Variants in DLG5 observed in about 807,000 individuals in gnomAD.
The protein encoded by DLG5 is disks large homolog 5.
A neutral mutation model predicts 189.8 loss-of-function variants in DLG5; 48 were observed. The ratio of observed to expected loss-of-function variants is 0.25; its 90% CI spans 0.20 to 0.32. The LOEUF (loss-of-function observed/expected upper bound fraction) is 0.32, where lower values mean the gene tolerates loss of function less well. Among genes scored for constraint, DLG5 ranks in the 10% least tolerant of loss-of-function variants. The probability of loss-of-function intolerance (pLI) is 1.00; values close to 1 mark genes in which losing one functional copy is unlikely to be tolerated. For missense variants in DLG5, 2,160 were observed against 2,544.7 expected (o/e 0.85, Z 3.25); for synonymous variants, 1,016 against 1,054.1 (o/e 0.96, Z 0.70).
rs1357364660 is a variant in DLG5 at position 77,865,871 on chromosome 10, A to AGACCC, written c.373+3253_373+3257dup. 2.0e-5 allele frequency among the ~76,000 whole-genome samples: 3 copies of AGACCC among 152,148 alleles called. No homozygotes were observed. In the South Asian group the frequency reaches 6.2e-4, roughly 32 times the overall value. On this transcript the variant is annotated intron_variant, in intron 2 of 31. Coordinates refer to ENST00000372391, the MANE Select transcript of DLG5 (RefSeq NM_004747.4). ...TGAGTAGGGCCAGGCTGGAGATCCG[A>AGACCC]GACCCGACAGACCGCCTGAGAGAAC...
At chr10:77,850,983 C>T (rs1843943058) in intron 5 of DLG5, among the ~76,000 whole-genome samples, 1 of 152,182 alleles carries the variant, frequency 6.6e-6, no homozygotes, top group South Asian at 2.1e-4. Context: ...CAAGCGTAGA[C>T]CAAGAAGAAC....
chr10:77,843,420 C>T (rs778816815), intron 6 of DLG5, 27 bp downstream of exon 6: 4 of 1,608,732 alleles, frequency 2.5e-6, no homozygotes, highest in Non-Finnish European at 3.4e-6. Flanking sequence ...CCCATTTGCC[C>T]CCGGCCCCCG....
chr10:77,935,572 G>A, the DLG5 span, among the ~76,000 whole-genome samples: 6 of 152,150 alleles, frequency 3.9e-5, no homozygotes, highest in East Asian at 9.6e-4. Flanking sequence ...AGATCCTGGC[G>A]GTCTGCTCTG....
chr10:77,835,676 C>T (rs1843092279), intron 8 of DLG5, 62 bp downstream of exon 8: 7 of 1,520,970 alleles, frequency 4.6e-6, no homozygotes, highest in Admixed American at 3.7e-5. Flanking sequence ...CCCAACAGAC[C>T]CTAGCAGGTC....
intron 20 of DLG5, among the ~76,000 whole-genome samples, chr10:77,815,560 T>C (rs1269881414): frequency 6.6e-6 from 1 of 152,158 alleles, no homozygotes; most frequent in African/African-American, 2.4e-5. Flanking sequence ...CTCAGGAGGC[T>C]GAGGCACAAG....
At chr10:77,908,006 C>T (rs1374841704) in intron 1 of DLG5, among the ~76,000 whole-genome samples, 1 of 152,168 alleles carries the variant, frequency 6.6e-6, no homozygotes, top group Admixed American at 6.5e-5. Context: ...TGGCCATGAA[C>T]CTGCAGCAGC....
At chr10:77,816,459 A>G in intron 20 of DLG5, 92 bp downstream of exon 20, 1 of 1,579,354 alleles carries the variant, frequency 6.3e-7, no homozygotes, top group Non-Finnish European at 8.7e-7. Context: ...TGCTGCTTCT[A>G]CTAAGCCCCT....
At chr10:77,873,783 C>G (rs1314417808) in intron 1 of DLG5, among the ~76,000 whole-genome samples, 1 of 152,148 alleles carries the variant, frequency 6.6e-6, no homozygotes, top group Admixed American at 6.5e-5. Flanking sequence ...CCAGAAGGGC[C>G]CAGGCAGAAA....
At chr10:77,934,923 T>C in the DLG5 span, among the ~76,000 whole-genome samples, 1 of 149,822 alleles carries the variant, frequency 6.7e-6, no homozygotes, top group East Asian at 2.0e-4. Flanking sequence ...AGTGGCACGA[T>C]CTTGGCTCAC....
intron 16 of DLG5, 186 bp downstream of exon 16, chr10:77,819,709 A>G: frequency 8.9e-7 from 1 of 1,125,788 alleles, no homozygotes; most frequent in African/African-American, 1.6e-5. Flanking sequence ...AAGCATGTTG[A>G]CAAGCTAAGA....
intron 2 of DLG5, among the ~76,000 whole-genome samples, chr10:77,865,339 T>C (rs1307813637): frequency 6.6e-6 from 1 of 152,010 alleles, no homozygotes; most frequent in Non-Finnish European, 1.5e-5. Context: ...TCACAGGGCG[T>C]CAGTGGCAGC....
chr10:77,805,603 C>T (rs1841428332), intron 27 of DLG5, 62 bp downstream of exon 27: 1 of 1,514,294 alleles, frequency 6.6e-7, no homozygotes, highest in Non-Finnish European at 8.9e-7. Flanking sequence ...TGTTGTGGAG[C>T]TCCTGGATCC....
At chr10:77,830,164 C>A in intron 11 of DLG5, 53 bp downstream of exon 11, 6 of 1,609,934 alleles carry the variant, frequency 3.7e-6, no homozygotes, top group Non-Finnish European at 4.2e-6. Context: ...GGGTCCTCTG[C>A]ACTGGGAAGA....
At chr10:77,834,094 C>T (rs1843007929) in intron 8 of DLG5, 55 bp from the exon 9 acceptor site, 2 of 1,575,158 alleles carry the variant, frequency 1.3e-6, no homozygotes, top group Non-Finnish European at 8.6e-7. Flanking sequence ...GAAGGGGGTT[C>T]CTGGTCTGCA....
At chr10:77,833,212 A>T (rs780482657) in intron 9 of DLG5, among the ~76,000 whole-genome samples, 7 of 152,146 alleles carry the variant, frequency 4.6e-5, no homozygotes, top group African/African-American at 7.2e-5. Context: ...ACTAAAGGCC[A>T]CTGAGTGTTT....
At chr10:77,822,670 T>C (rs1480724848) in intron 14 of DLG5, among the ~76,000 whole-genome samples, 3 of 152,188 alleles carry the variant, frequency 2.0e-5, no homozygotes, top group African/African-American at 7.2e-5. Context: ...CTGCATAATG[T>C]CTTGAATATT....
At chr10:77,838,254 G>C (rs1279980087) in intron 7 of DLG5, among the ~76,000 whole-genome samples, 1 of 152,180 alleles carries the variant, frequency 6.6e-6, no homozygotes. Flanking sequence ...GGTGAGCAGG[G>C]CCCGTCTAGG....
chr10:77,833,276 A>G (rs1431620605), intron 9 of DLG5, among the ~76,000 whole-genome samples: 3 of 152,166 alleles, frequency 2.0e-5, no homozygotes, highest in Non-Finnish European at 4.4e-5. Flanking sequence ...TGACACCCCA[A>G]ATGGTCTTCC....
chr10:77,830,078 G>C, intron 11 of DLG5, 139 bp downstream of exon 11: 1 of 1,031,256 alleles, frequency 9.7e-7, no homozygotes, highest in Non-Finnish European at 1.4e-6. Context: ...TAGCTGCTGA[G>C]ACTGCAGGCC....
Sources: gnomAD v4.1 joint callset for allele counts (sites outside exome capture counted in the v4.1 genomes callset) on GRCh38, gnomAD v4.1.1 for gene constraint, MANE v1.5 for transcripts, NCBI Gene and HGNC (gene_info 2026-07-23, HGNC 2026-07-21) for gene names.